CFAP20DC: variants seen among roughly 807,000 people sequenced by gnomAD.
The protein encoded by CFAP20DC is protein CFAP20DC.
A neutral mutation model predicts 101.7 loss-of-function variants in CFAP20DC; 84 were observed. The observed-to-expected ratio is 0.83, with a 90% CI of 0.69 to 0.99. CFAP20DC has a LOEUF of 0.99. Ranked by LOEUF, CFAP20DC falls within the 50% of genes least tolerant of loss-of-function variation. The pLI is 0.00. For missense variants in CFAP20DC, 1,007 were observed against 970.3 expected (o/e 1.04, Z -0.50); for synonymous variants, 359 against 351.2 (o/e 1.02, Z -0.25).
rs2080590413 is a variant in CFAP20DC at position 58,874,725 on chromosome 3, A to G, written c.716-4416T>C. Among the ~76,000 whole-genome samples, 1 of 152,104 alleles carries G rather than the reference A, an allele frequency of 6.6e-6. No individual in the cohort carries two copies. Among genetic ancestry groups the G allele is most frequent in the South Asian group, 2.1e-4 (1 of 4,824 alleles). On this transcript the variant is annotated intron_variant, in intron 7 of 16. Transcript: ENST00000482387. This position sits in a 1 kb window ranked among gnomAD's most constrained non-coding sequence, Gnocchi z 5.1. ...TGATTAGGGTAAGTTCCTCCAATAT[A>G]GGCTCTTCCATAAATTTTCCCTCAT...
chr3:58,931,250 G>C (rs889489577), intron 5 of CFAP20DC, among the ~76,000 whole-genome samples: 1 of 152,078 alleles, frequency 6.6e-6, no homozygotes, highest in Non-Finnish European at 1.5e-5. Context: ...GGCTTGCTTA[G>C]GTAAACAAAG....
At chr3:58,856,659 T>C (rs1357752269) in intron 12 of CFAP20DC, among the ~76,000 whole-genome samples, 2 of 152,138 alleles carry the variant, frequency 1.3e-5, no homozygotes, top group Non-Finnish European at 2.9e-5. Context: ...CACTAGGTAA[T>C]AGAGTGGTGA....
At chr3:58,813,314 T>C (rs1430286640) in intron 14 of CFAP20DC, among the ~76,000 whole-genome samples, 3 of 151,988 alleles carry the variant, frequency 2.0e-5, no homozygotes, top group South Asian at 4.1e-4. Context: ...CTTTGTTCTA[T>C]AACGGGAAAA....
intron 4 of CFAP20DC, among the ~76,000 whole-genome samples, chr3:59,037,936 C>G (rs754229357): frequency 1.3e-5 from 2 of 152,178 alleles, no homozygotes; most frequent in Non-Finnish European, 2.9e-5. Context: ...CCACGGAATA[C>G]TATGCAGCTG....
At chr3:58,937,932 C>T (rs1258086672) in intron 4 of CFAP20DC, among the ~76,000 whole-genome samples, 170 bp from the exon 5 acceptor site, 5 of 152,162 alleles carry the variant, frequency 3.3e-5, no homozygotes, top group Admixed American at 3.3e-4. Context: ...AAATTTCTTT[C>T]TTAAATTCAA....
At position 58,732,880 on chromosome 3, in the gene CFAP20DC, G is replaced by T. The variant is rs2067671915; in HGVS notation, c.198-15252C>A. On this transcript the variant is annotated intron_variant, in intron 3 of 3. Transcript: ENST00000486145. This position sits in a 1 kb window ranked among gnomAD's most constrained non-coding sequence, Gnocchi z 5.4. ...TAAGCTCAGGATAGACATTTGGAGA[G>T]AACCATTTGTAGGGGATGGCTGACC... Among the ~76,000 whole-genome samples, 1 of 152,208 alleles carries T rather than the reference G, an allele frequency of 6.6e-6. No individual in the cohort carries two copies. Among genetic ancestry groups the T allele is most frequent in the Admixed American group, 6.5e-5 (1 of 15,282 alleles).
At chr3:59,021,305 C>T (rs1203859736) in intron 4 of CFAP20DC, among the ~76,000 whole-genome samples, 3 of 152,006 alleles carry the variant, frequency 2.0e-5, no homozygotes, top group African/African-American at 7.2e-5. Context: ...AGAGTGGCAT[C>T]GAAGTATAAT....
downstream of CFAP20DC, among the ~76,000 whole-genome samples, chr3:58,737,867 T>C (rs1362934133): frequency 3.9e-5 from 6 of 152,184 alleles, no homozygotes; most frequent in Admixed American, 1.3e-4. The surrounding 1 kb of genome is among the most constrained non-coding windows in gnomAD (Gnocchi z 4.1). Context: ...GTGACCTCTG[T>C]TCCGGGTTTG....
At chr3:58,994,226 C>T (rs1371645344) in intron 4 of CFAP20DC, among the ~76,000 whole-genome samples, 1 of 152,190 alleles carries the variant, frequency 6.6e-6, no homozygotes, top group Admixed American at 6.5e-5. Context: ...ACACACTGAG[C>T]TTAACTGACA....
chr3:58,930,312 C>A (rs1351054497), intron 5 of CFAP20DC, among the ~76,000 whole-genome samples: 2 of 152,172 alleles, frequency 1.3e-5, no homozygotes, highest in Non-Finnish European at 2.9e-5. Context: ...AATTTCTACA[C>A]CCTCCAAATC....
At chr3:58,772,354 T>C (rs923612140) in intron 15 of CFAP20DC, among the ~76,000 whole-genome samples, 6 of 152,046 alleles carry the variant, frequency 3.9e-5, no homozygotes, top group African/African-American at 1.2e-4. Context: ...GTCCCCAAAA[T>C]ACAGAAAAAT....
chr3:58,823,817 T>C (rs927633761), intron 14 of CFAP20DC, among the ~76,000 whole-genome samples: 5 of 152,204 alleles, frequency 3.3e-5, no homozygotes, highest in African/African-American at 1.2e-4. Context: ...GAAATATATA[T>C]GACTATCTCC....
At chr3:58,762,929 C>T (rs2069800866) in intron 15 of CFAP20DC, among the ~76,000 whole-genome samples, 1 of 152,136 alleles carries the variant, frequency 6.6e-6, no homozygotes, top group African/African-American at 2.4e-5. Context: ...ATGGGCTTCC[C>T]TTTGTGGCTA....
intron 14 of CFAP20DC, among the ~76,000 whole-genome samples, chr3:58,808,735 G>C (rs933964729): frequency 1.3e-5 from 2 of 152,100 alleles, no homozygotes; most frequent in African/African-American, 4.8e-5. Flanking sequence ...AAATGTAAAT[G>C]GACTAAATGC....
intron 14 of CFAP20DC, among the ~76,000 whole-genome samples, chr3:58,818,038 C>T (rs1262715380): frequency 6.6e-6 from 1 of 150,464 alleles, no homozygotes; most frequent in Non-Finnish European, 1.5e-5. Context: ...TCCAGCCAAA[C>T]TAAGCTTCAT....
chr3:58,789,904 T>C (rs1271259768), intron 15 of CFAP20DC, among the ~76,000 whole-genome samples: 11 of 152,202 alleles, frequency 7.2e-5, no homozygotes, highest in Admixed American at 6.5e-4. Flanking sequence ...CACTTAAATA[T>C]AGTCTCATTC....
chr3:58,990,966 A>C (rs963436301), intron 4 of CFAP20DC, among the ~76,000 whole-genome samples: 20 of 152,188 alleles, frequency 1.3e-4, no homozygotes, highest in Admixed American at 1.3e-4. Flanking sequence ...TGCAAACTTC[A>C]TGAAGACAGA....
At chr3:58,962,592 C>A (rs949009009) in intron 4 of CFAP20DC, among the ~76,000 whole-genome samples, 1 of 152,110 alleles carries the variant, frequency 6.6e-6, no homozygotes, top group East Asian at 1.9e-4. Context: ...GCTTGGTGGT[C>A]ACCAACAATT....
chr3:58,738,832 C>A (rs1449799600), downstream of CFAP20DC, among the ~76,000 whole-genome samples: 3 of 152,118 alleles, frequency 2.0e-5, no homozygotes, highest in Non-Finnish European at 4.4e-5. The surrounding 1 kb of genome is among the most constrained non-coding windows in gnomAD (Gnocchi z 4.4). Context: ...CTGGAACAAA[C>A]CATGTTTTGA....
Sources: allele counts gnomAD v4.1 joint callset (sites outside exome capture counted in the v4.1 genomes callset), GRCh38; gene constraint gnomAD v4.1.1; non-coding constraint Gnocchi (gnomAD v3.1); transcripts MANE v1.5; gene names NCBI Gene and HGNC (gene_info 2026-07-23, HGNC 2026-07-21).